SERPINF1: variants seen among roughly 807,000 people sequenced by gnomAD.
The protein encoded by SERPINF1 is serpin family F member 1, also known as pigment epithelium-derived factor.
In SERPINF1, 29 loss-of-function variants were observed where a neutral mutation model predicts 37.3. That is an observed-to-expected ratio of 0.78 (90% CI 0.58 to 1.06). SERPINF1 has a LOEUF of 1.06. Ranked by LOEUF, SERPINF1 falls within the 50% of genes least tolerant of loss-of-function variation. SERPINF1 has a pLI of 0.00. For missense variants in SERPINF1, 553 were observed against 532.2 expected, an observed-to-expected ratio of 1.04 and a Z score of -0.38; for synonymous variants, 281 against 227.9, an observed-to-expected ratio of 1.23 and a Z score of -2.10.
At chr17:1,764,418 C>G (rs374564719) in intron 1 of SERPINF1, among the ~76,000 whole-genome samples, 3 of 152,340 alleles carry the variant, frequency 2.0e-5, no homozygotes, top group South Asian at 2.1e-4. Flanking sequence ...GGTGGTGAGG[C>G]CTCTGTCTTG....
chr17:1,772,914 G>C lies in SERPINF1; in HGVS notation c.643+839G>C, dbSNP rs545218003. On this transcript the variant is annotated intron_variant, in intron 5 of 7. Coordinates refer to ENST00000254722, the MANE Select transcript of SERPINF1 (RefSeq NM_002615.7). ...ATGCCGAGGCTGGTCTCGAACTCCTGAGCTGAAGTGATCCTCCCACCTCGG... is the reference window on the plus strand; with the variant it reads ...ATGCCGAGGCTGGTCTCGAACTCCTCAGCTGAAGTGATCCTCCCACCTCGG... 1.4e-3 allele frequency among the ~76,000 whole-genome samples: 208 copies of C among 152,290 alleles called. 1 individual carries two copies. The highest frequency in any genetic ancestry group is 4.9e-3 in the African/African-American group (204 of 41,568).
At chr17:1,774,283 G>C (rs1401063726) in intron 5 of SERPINF1, among the ~76,000 whole-genome samples, 1 of 152,026 alleles carries the variant, frequency 6.6e-6, no homozygotes, top group Non-Finnish European at 1.5e-5. Flanking sequence ...GCAACCTCTG[G>C]CTCCCAGGTT....
At chr17:1,771,224 G>A (rs1186919524) in intron 4 of SERPINF1, 40 bp downstream of exon 4, 15 of 1,607,772 alleles carry the variant, frequency 9.3e-6, no homozygotes, top group Non-Finnish European at 1.3e-5. Flanking sequence ...GAGGCATGTG[G>A]GCTCCATGCT....
Position 1,777,537 on chromosome 17 carries a change from T to G in SERPINF1, c.*91T>G. On this transcript the variant is annotated 3_prime_UTR_variant, in exon 8 of 8. Transcript: ENST00000254722. ...GAAGGCTGCCCCTGTAAGGTTTCAA[T>G]GCATACAATAAAAGAGCTTTATCCC... 1 of 1,504,418 alleles carries G rather than the reference T, an allele frequency of 6.6e-7. No individual in the cohort carries two copies. Among genetic ancestry groups the G allele is most frequent in the South Asian group, 1.1e-5 (1 of 87,960 alleles). The allele number at this position is 1,504,418 out of a possible 1,614,324, so 93.2% of individuals were successfully genotyped here.
chr17:1,763,928 G>A (rs953979230), intron 1 of SERPINF1, among the ~76,000 whole-genome samples: 4 of 152,208 alleles, frequency 2.6e-5, no homozygotes, highest in African/African-American at 4.8e-5. Context: ...GGTGGCTCAC[G>A]CCTGTACTCC....
At position 1,775,240 on chromosome 17, in the gene SERPINF1, G is replaced by C. The variant is rs188924246; in HGVS notation, c.786+40G>C. 39 of 1,593,870 alleles carry C rather than the reference G, an allele frequency of 2.4e-5. No homozygotes were observed. In the East Asian group the frequency reaches 7.2e-4, roughly 29 times the overall value. ...GGGCAGGGTGGGGGGTGGATGGAGGGAGAGGATAGAGAAGCAAAACAGGGT... is the reference window on the plus strand; with the variant it reads ...GGGCAGGGTGGGGGGTGGATGGAGGCAGAGGATAGAGAAGCAAAACAGGGT... On this transcript the variant is annotated intron_variant, in intron 6 of 7. Transcript: ENST00000254722.
intron 1 of SERPINF1, among the ~76,000 whole-genome samples, chr17:1,764,019 C>T (rs1162802584): frequency 6.6e-6 from 1 of 152,230 alleles, no homozygotes; most frequent in Non-Finnish European, 1.5e-5. Context: ...CCCATCTCTA[C>T]TAAAACATAA....
rs1285553448 is a variant in SERPINF1 at position 1,774,394 on chromosome 17, C to T, written c.644-664C>T. Among the ~76,000 whole-genome samples, 4 of 152,296 alleles carry T rather than the reference C, an allele frequency of 2.6e-5. No homozygotes were observed. In the East Asian group the frequency reaches 7.7e-4, roughly 29 times the overall value. On this transcript the variant is annotated intron_variant, in intron 5 of 7. Transcript: ENST00000254722. ...TATTTTCAGTAGAGATGGGGTTTCG[C>T]CATGCTGGCCAGGCTGTTCTCGAAA...
Position 1,771,844 on chromosome 17 carries a change from C to T in SERPINF1, c.440-28C>T, listed in dbSNP as rs4274475. 483,309 of 1,602,964 alleles carry T rather than the reference C, an allele frequency of 0.3. 75,857 individuals carry two copies. The highest frequency in any genetic ancestry group is 0.41 in the East Asian group (18,321 of 44,786). ...GGGATGCTTGTCGTCGAGTCTCATA[C>T]GCTAACCTCTGCTCCGCCTCTTCTC... On this transcript the variant is annotated intron_variant, in intron 4 of 7. Coordinates refer to ENST00000254722, the MANE Select transcript of SERPINF1 (RefSeq NM_002615.7).
intron 5 of SERPINF1, among the ~76,000 whole-genome samples, chr17:1,774,484 C>T (rs1383448386): frequency 6.6e-6 from 1 of 152,122 alleles, no homozygotes; most frequent in Non-Finnish European, 1.5e-5. Context: ...AGATGTGAGG[C>T]ACCACACCCG....
chr17:1,766,844 G>A (rs1010096153), intron 1 of SERPINF1, 59 bp from the exon 2 acceptor site: 3 of 1,494,658 alleles, frequency 2.0e-6, no homozygotes, highest in Non-Finnish European at 2.7e-6. Flanking sequence ...CCAGGAAGGG[G>A]TAGCGGGGCA....
intron 3 of SERPINF1, 27 bp downstream of exon 3, chr17:1,770,077 A>G (rs781116666): frequency 6.2e-6 from 10 of 1,613,114 alleles, no homozygotes; most frequent in African/African-American, 1.3e-5. Context: ...AGGAAGCCCC[A>G]GGCAGACCTG....
intron 1 of SERPINF1, among the ~76,000 whole-genome samples, chr17:1,765,693 C>G (rs1397044247): frequency 6.6e-6 from 1 of 151,928 alleles, no homozygotes; most frequent in East Asian, 1.9e-4. Context: ...TAAAGAGCTA[C>G]TAAGACACAG....
chr17:1,768,070 C>A (rs1214046176), intron 2 of SERPINF1, among the ~76,000 whole-genome samples: 1 of 151,822 alleles, frequency 6.6e-6, no homozygotes, highest in Non-Finnish European at 1.5e-5. Context: ...GGCGTGGTGG[C>A]AAGTGCTTGT....
chr17:1,773,386 C>T (rs1907856690), intron 5 of SERPINF1, among the ~76,000 whole-genome samples: 3 of 152,204 alleles, frequency 2.0e-5, no homozygotes, highest in South Asian at 4.1e-4. Context: ...GTTGGGATTA[C>T]AGGCGCCCGC....
intron 2 of SERPINF1, among the ~76,000 whole-genome samples, chr17:1,767,476 G>A (rs571636647): frequency 6.6e-6 from 1 of 152,254 alleles, no homozygotes; most frequent in South Asian, 2.1e-4. Flanking sequence ...TTCCTAGTGG[G>A]GGCTCCACTG....
chr17:1,767,701 CGA>C (rs1230889633), intron 2 of SERPINF1, among the ~76,000 whole-genome samples: 1 of 152,196 alleles, frequency 6.6e-6, no homozygotes, highest in Admixed American at 6.5e-5. Flanking sequence ...GGCATCTTGG[CGA>C]GAGCCCTGGA....
chr17:1,776,800 G>T, intron 7 of SERPINF1, 58 bp downstream of exon 7: 1 of 1,517,284 alleles, frequency 6.6e-7, no homozygotes, highest in South Asian at 1.1e-5. Flanking sequence ...AGGGTCTTTG[G>T]GCCTTCCACT....
rs115846365 is a variant in SERPINF1, at chr17:1,775,002, C to A, written c.644-56C>A. 9 of 1,610,102 alleles carry A rather than the reference C, an allele frequency of 5.6e-6. No individual in the cohort carries two copies. In the Admixed American group the frequency reaches 1.2e-4, roughly 21 times the overall value. The stretch of plus-strand genomic sequence containing the variant: ...AACGTGCTCTGGGGACACAGCATGG[C>A]GCCACTGTCTTTCTGGTCTCCTGGG... On this transcript the variant is annotated intron_variant, in intron 5 of 7. Coordinates refer to ENST00000254722, the MANE Select transcript of SERPINF1 (RefSeq NM_002615.7).
Sources: gnomAD v4.1 joint callset for allele counts (sites outside exome capture counted in the v4.1 genomes callset) on GRCh38, gnomAD v4.1.1 for gene constraint, MANE v1.5 for transcripts, NCBI Gene and HGNC (gene_info 2026-07-23, HGNC 2026-07-21) for gene names.